SSC5D: variants seen among roughly 807,000 people sequenced by gnomAD.
The protein encoded by SSC5D is scavenger receptor cysteine rich family member with 5 domains, also known as soluble scavenger receptor cysteine-rich domain-containing protein SSC5D.
A neutral mutation model predicts 104.6 loss-of-function variants in SSC5D; 106 were observed. The observed-to-expected ratio is 1.01, with a 90% confidence interval of 0.87 to 1.19. The LOEUF (loss-of-function observed/expected upper bound fraction) is 1.19. Ranked by LOEUF, SSC5D falls within the 50% of genes most tolerant of loss-of-function variation. SSC5D has a pLI of 0.00. For synonymous variants in SSC5D, 860 were observed against 883.5 expected (o/e 0.97, Z 0.47); for missense variants, 1,993 against 2,153.8 (o/e 0.93, Z 1.48).
chr19:55,490,175 G>T (rs375189405), intron 4 of SSC5D, 123 bp from the exon 5 acceptor site: 3 of 560,812 alleles, frequency 5.3e-6, no homozygotes, highest in African/African-American at 4.0e-5. Context: ...GCCCCGCCCC[G>T]TCTCCTTCAT....
rs757167667 is a variant in SSC5D, at chr19:55,493,916, A to AG, written c.1213+9dup. The AG allele has an allele frequency of 2.4e-6, 3 of 1,274,174 alleles. No homozygotes were observed. The highest frequency in any genetic ancestry group is 3.0e-6 in the Non-Finnish European group (3 of 986,666). 78.9% of individuals were successfully genotyped at this position (1,274,174 alleles called of 1,614,324 possible). A position where few individuals can be genotyped will look rare whatever the true frequency, so the allele number is the denominator to read the frequency against. On this transcript the variant is annotated splice_donor_region_variant and intron_variant, in intron 7 of 13. Transcript: ENST00000389623. ...GACGCCGGGGCCGTGTGTGACGGTG[A>AG]GGGGGTTGTGGTGGAGGACCGGGAG...
In SSC5D at chr19:55,491,255, G is replaced by A. The variant is rs935517134; in HGVS notation, c.895+175G>A. 41 of 718,610 alleles carry A rather than the reference G, an allele frequency of 5.7e-5. No homozygotes were observed. The South Asian group carries it at 5.8e-4, about 10-fold the overall frequency. 44.5% of individuals were successfully genotyped at this position (718,610 alleles called of 1,614,324 possible). A position where few individuals can be genotyped will look rare whatever the true frequency, so the allele number is the denominator to read the frequency against. On this transcript the variant is annotated intron_variant, in intron 6 of 13. Coordinates refer to ENST00000389623, the MANE Select transcript of SSC5D (RefSeq NM_001144950.2). ...AGCCCCTCCTTCCACAGCTCCTGCCGTTCTCCTTGCCAGGAATGGGAGGAG... is the reference window on the plus strand; with the variant it reads ...AGCCCCTCCTTCCACAGCTCCTGCCATTCTCCTTGCCAGGAATGGGAGGAG...
In SSC5D at chr19:55,490,894, C is replaced by A; in HGVS notation, c.709C>A (p.Arg237=). Residue 237 remains arginine, a synonymous_variant, in exon 6 of 14, where the codon CGG becomes AGG. Coordinates refer to ENST00000389623, the MANE Select transcript of SSC5D (RefSeq NM_001144950.2). The part of the protein sequence containing the change: ...WDLRDAAVAC[R]ELGCGGALAA... ...CCTGCGCGACGCTGCTGTAGCCTGCCGGGAACTGGGCTGTGGGGGGGCGCT... is the reference window on the plus strand; with the variant it reads ...CCTGCGCGACGCTGCTGTAGCCTGCAGGGAACTGGGCTGTGGGGGGGCGCT... 6.5e-7 allele frequency: 1 copy of A among 1,545,880 alleles called. No individual in the cohort carries two copies. Among genetic ancestry groups the A allele is most frequent in the South Asian group, 1.2e-5 (1 of 83,540 alleles).
At chr19:55,499,530 T>C (rs1174690566) in intron 9 of SSC5D, among the ~76,000 whole-genome samples, 1 of 151,898 alleles carries the variant, frequency 6.6e-6, no homozygotes, top group Non-Finnish European at 1.5e-5. Flanking sequence ...GCTGAGGAGA[T>C]GGAGAGGAGA....
rs1203600019 is a variant in SSC5D, at chr19:55,517,370, C to T, written c.3094C>T (p.Pro1032Ser). The T allele has an allele frequency of 6.4e-7, 1 of 1,550,584 alleles. No homozygotes were observed. The highest frequency in any genetic ancestry group is 8.7e-7 in the Non-Finnish European group (1 of 1,146,926). The change falls in exon 14 of 14, where the codon CCC becomes TCC. Residue 1032 changes from proline (P) to serine (S), a missense_variant. This residue lies in a region of SSC5D where 423 missense variants were observed against 409.2 expected (regional missense o/e 1.03). Transcript: ENST00000389623. ...CTCTGACTCCAGTCGAGAGCTCACT[C>T]CCCACTCAGCCTTGACGTCCGAGGC... Reference protein sequence around the residue: ...LTSDSSRELTPHSALTSEATS... With the variant: ...LTSDSSRELTSHSALTSEATS...
chr19:55,518,305 C>T lies in SSC5D; in HGVS notation c.4029C>T (p.Thr1343=), dbSNP rs1987940216. The change falls in exon 14 of 14, where the codon ACC becomes ACT. Residue 1343 remains threonine, a synonymous_variant. Transcript: ENST00000389623. ...TPVITTVSLP[T]SLGTELSSPT... is the part of the protein sequence containing the mutation. ...TCATCACTACTGTGTCCCTTCCAAC[C>T]TCCTTGGGGACAGAACTCTCCTCTC... is the stretch of plus-strand genomic sequence containing the variant. 1 of 1,551,070 alleles carries T rather than the reference C, an allele frequency of 6.4e-7. No individual in the cohort carries two copies. Among genetic ancestry groups the T allele is most frequent in the South Asian group, 1.2e-5 (1 of 84,034 alleles).
At chr19:55,504,221 T>C (rs748928068) in intron 12 of SSC5D, 1 of 1,531,988 alleles carries the variant, frequency 6.5e-7, no homozygotes, top group East Asian at 2.5e-5. Flanking sequence ...GGCGGGCACG[T>C]GCCGGGCACA....
At chr19:55,506,762 G>A (rs1475296426) in intron 12 of SSC5D, among the ~76,000 whole-genome samples, 4 of 152,156 alleles carry the variant, frequency 2.6e-5, no homozygotes, top group African/African-American at 9.7e-5. Flanking sequence ...AGATACAAAC[G>A]TCAGTTCATG....
In SSC5D at chr19:55,500,906, G is replaced by A; in HGVS notation, c.2617+102G>A. On this transcript the variant is annotated intron_variant, in intron 11 of 13. Transcript: ENST00000389623. This position sits in a 1 kb window ranked among gnomAD's most constrained non-coding sequence, Gnocchi z 4.6. ...GCACCATGGTCGACTCTAAAGAACTGGGTATGAGGGGTCGGGGTGGGGAGA... is the reference window on the plus strand; with the variant it reads ...GCACCATGGTCGACTCTAAAGAACTAGGTATGAGGGGTCGGGGTGGGGAGA... 1 of 1,502,370 alleles carries A rather than the reference G, an allele frequency of 6.7e-7. No homozygotes were observed. The highest frequency in any genetic ancestry group is 9.0e-7 in the Non-Finnish European group (1 of 1,115,098). 93.1% of individuals were successfully genotyped at this position (1,502,370 alleles called of 1,614,324 possible). A position where few individuals can be genotyped will look rare whatever the true frequency, so the allele number is the denominator to read the frequency against.
chr19:55,493,111 G>A (rs1333013109), intron 6 of SSC5D, among the ~76,000 whole-genome samples: 6 of 152,192 alleles, frequency 3.9e-5, no homozygotes, highest in African/African-American at 1.4e-4. Context: ...GCTCTCAGCT[G>A]GCAAGGGAGT....
At chr19:55,511,615 G>A (rs1185396368) in intron 12 of SSC5D, among the ~76,000 whole-genome samples, 1 of 152,180 alleles carries the variant, frequency 6.6e-6, no homozygotes, top group Admixed American at 6.5e-5. Flanking sequence ...ACCTCCTTGT[G>A]GAATTGCTTG....
At chr19:55,493,025 C>T (rs1987194754) in intron 6 of SSC5D, among the ~76,000 whole-genome samples, 1 of 152,024 alleles carries the variant, frequency 6.6e-6, no homozygotes, top group South Asian at 2.1e-4. Flanking sequence ...GTGAGATCCC[C>T]TCCCCCCAAA....
In SSC5D at chr19:55,517,424, C is replaced by T. The variant is rs1393809876; in HGVS notation, c.3148C>T (p.Pro1050Ser). ...CTCTGACGCTCCGGACACTTCACCA[C>T]CCACCCCAGACCCGGCCTCCCGGAC... ...ATSDAPDTSP[P>S]TPDPASRTNP... is the part of the protein sequence containing the mutation. Residue 1050 changes from proline (P) to serine (S), a missense_variant, in exon 14 of 14, where the codon CCC becomes TCC. By Grantham distance (74) the Pro-to-Ser change is moderately conservative. This residue lies in a region of SSC5D where 423 missense variants were observed against 409.2 expected (regional missense o/e 1.03). Coordinates refer to ENST00000389623, the MANE Select transcript of SSC5D (RefSeq NM_001144950.2). The T allele has an allele frequency of 1.3e-6, 2 of 1,550,920 alleles. No homozygotes were observed. The highest frequency in any genetic ancestry group is 1.4e-5 in the African/African-American group (1 of 72,922).
Position 55,517,930 on chromosome 19 carries a change from CA to C in SSC5D, c.3655del (p.Thr1219ProfsTer37). The part of the protein sequence containing the change: ...ITHSTMIPDP[T>X]TTPQPFTTMQ... ...CTCACTCCACCATGATTCCTGACCC[CA>C]CCACAACCCCTCAACCCTTCACCAC... On this transcript the variant is annotated frameshift_variant, in exon 14 of 14. Transcript: ENST00000389623. LOFTEE classifies it low-confidence loss of function (END_TRUNC). 2 of 1,542,778 alleles carry C rather than the reference CA, an allele frequency of 1.3e-6. No individual in the cohort carries two copies. The highest frequency in any genetic ancestry group is 1.7e-6 in the Non-Finnish European group (2 of 1,144,598).
chr19:55,489,510 CG>C lies in SSC5D; in HGVS notation c.212del (p.Gly71GlufsTer77). On this transcript the variant is annotated frameshift_variant, in exon 3 of 14. Coordinates refer to ENST00000389623, the MANE Select transcript of SSC5D (RefSeq NM_001144950.2). LOFTEE classifies it high-confidence loss of function. ...GGCTGCGGAGGGGCACTGGCCGCCC[CG>C]GGAGGCGCCTTCTTCGGGGAGGGGG... ...QLGCGGALAA[P>X]GGAFFGEGAG... 1 of 1,466,464 alleles carries C rather than the reference CG, an allele frequency of 6.8e-7. No individual in the cohort carries two copies. The highest frequency in any genetic ancestry group is 9.0e-7 in the Non-Finnish European group (1 of 1,115,560). 90.8% of individuals were successfully genotyped at this position (1,466,464 alleles called of 1,614,324 possible).
At chr19:55,501,614 G>A (rs1017067550) in intron 12 of SSC5D, among the ~76,000 whole-genome samples, 2 of 152,132 alleles carry the variant, frequency 1.3e-5, no homozygotes, top group Non-Finnish European at 2.9e-5. Flanking sequence ...GCTCAGAGGT[G>A]GGGACTCCTG....
At position 55,517,323 on chromosome 19, in the gene SSC5D, G is replaced by A; in HGVS notation, c.3047G>A (p.Gly1016Glu). 1.3e-6 allele frequency: 2 copies of A among 1,549,882 alleles called. No homozygotes were observed. The highest frequency in any genetic ancestry group is 1.7e-6 in the Non-Finnish European group (2 of 1,146,882). Residue 1016 changes from glycine to glutamate, a missense_variant, in exon 14 of 14, where the codon GGA becomes GAA. By Grantham distance (98) the Gly-to-Glu change is moderately conservative. Coordinates refer to ENST00000389623, the MANE Select transcript of SSC5D (RefSeq NM_001144950.2). ...TPSPGPSASP[G>E]PPGPALTSDS... is the part of the protein sequence containing the mutation. ...TCCCCAGGTCCCTCCGCCTCTCCGGGACCCCCAGGCCCAGCGCTGACCTCT... is the reference window on the plus strand; with the variant it reads ...TCCCCAGGTCCCTCCGCCTCTCCGGAACCCCCAGGCCCAGCGCTGACCTCT...
rs111527481 is a variant in SSC5D at position 55,499,836 on chromosome 19, A to G, written c.1726A>G (p.Ile576Val). 5.4e-5 allele frequency: 84 copies of G among 1,551,236 alleles called. 3 individuals carry two copies. The African/African-American group carries it at 6.4e-4, about 12-fold the overall frequency. ...TCCAGGGCCCCCAGGCCTGGACTCC[A>G]TCTCAGACCCCTTCAGCTGGAGCTG... ...TCTGPPGLDSISDPFSWSWIP... is the reference protein window; with the variant it reads ...TCTGPPGLDSVSDPFSWSWIP... The change falls in exon 10 of 14, where the codon ATC (isoleucine) becomes GTC (valine). Residue 576 changes from isoleucine to valine, a missense_variant. Around this residue, in one of 6 missense-constraint regions of SSC5D, gnomAD observed 1,101 missense variants for 1,085.0 expected, o/e 1.01. Transcript: ENST00000389623.
rs1223760201 is a variant in SSC5D, at chr19:55,493,793, C to T, written c.1094C>T (p.Pro365Leu). 1 of 1,548,350 alleles carries T rather than the reference C, an allele frequency of 6.5e-7. No homozygotes were observed. Among genetic ancestry groups the T allele is most frequent in the African/African-American group, 1.4e-5 (1 of 72,920 alleles). ...GCCTTCTTTGGGGAGGGGTCTGGAC[C>T]CATCATCCTGGACGACCTTCGGTGT... ...GGAFFGEGSG[P>L]IILDDLRCRG... The change falls in exon 7 of 14, where the codon CCC (proline) becomes CTC (leucine). Residue 365 changes from proline (P) to leucine (L), a missense_variant. By Grantham distance (98) the Pro-to-Leu change is moderately conservative (BLOSUM62 -3). Transcript: ENST00000389623.
Sources: allele counts gnomAD v4.1 joint callset (sites outside exome capture counted in the v4.1 genomes callset), GRCh38; gene constraint gnomAD v4.1.1; regional missense constraint gnomAD v4.1.1; non-coding constraint Gnocchi (gnomAD v3.1); transcripts MANE v1.5; gene names NCBI Gene and HGNC (gene_info 2026-07-23, HGNC 2026-07-21).